The following ERBB4 variants were observed in gnomAD, a reference collection of about 807,000 sequenced individuals.
The protein encoded by ERBB4 is erb-b2 receptor tyrosine kinase 4, also known as receptor tyrosine-protein kinase erbB-4.
In ERBB4, 42 loss-of-function variants were observed where a neutral mutation model predicts 158.0. That is an observed-to-expected ratio of 0.27 (90% CI 0.21 to 0.34). The LOEUF (loss-of-function observed/expected upper bound fraction) is 0.34. Among genes scored for constraint, ERBB4 ranks in the 10% least tolerant of loss-of-function variants. ERBB4 has a pLI of 1.00. For missense variants in ERBB4, 1,333 were observed against 1,624.1 expected (o/e 0.82, Z 3.08); for synonymous variants, 583 against 558.7 (o/e 1.04, Z -0.61).
intron 1 of ERBB4, among the ~76,000 whole-genome samples, chr2:212,437,714 T>C (rs1158410195): frequency 6.6e-6 from 1 of 152,252 alleles, no homozygotes; most frequent in East Asian, 1.9e-4. Flanking sequence ...GTAGTGACTT[T>C]CTGCCTTGCT....
At chr2:212,116,152 G>A (rs539399881) in intron 2 of ERBB4, among the ~76,000 whole-genome samples, 73 of 151,444 alleles carry the variant, frequency 4.8e-4, no homozygotes, top group African/African-American at 1.5e-3. Context: ...CCTGGAAAGC[G>A]GTTGCTAATT....
chr2:212,066,298 A>G (rs2077945877), intron 2 of ERBB4, among the ~76,000 whole-genome samples: 1 of 152,026 alleles, frequency 6.6e-6, no homozygotes, highest in Non-Finnish European at 1.5e-5. Context: ...TTAACAAACC[A>G]TAACCTCAAA....
At chr2:211,523,480 T>C (rs1274667272) in intron 20 of ERBB4, among the ~76,000 whole-genome samples, 3 of 151,336 alleles carry the variant, frequency 2.0e-5, no homozygotes, top group East Asian at 4.0e-4. Context: ...GCTCTTAAGG[T>C]GGCACGTCTG....
At chr2:211,944,324 C>A (rs946666935) in intron 3 of ERBB4, among the ~76,000 whole-genome samples, 1 of 149,732 alleles carries the variant, frequency 6.7e-6, no homozygotes, top group African/African-American at 2.5e-5. Context: ...TTTACCCTGT[C>A]GAAAGTACTT....
chr2:211,671,636 T>TG (rs1425638254), intron 14 of ERBB4, among the ~76,000 whole-genome samples: 1 of 152,170 alleles, frequency 6.6e-6, no homozygotes, highest in Non-Finnish European at 1.5e-5. Flanking sequence ...ATTCCCAGCC[T>TG]ATTCAGATGA....
chr2:212,034,384 T>C (rs1044027045), intron 2 of ERBB4, among the ~76,000 whole-genome samples: 3 of 152,008 alleles, frequency 2.0e-5, no homozygotes, highest in Admixed American at 6.6e-5. Context: ...TTAGCTGACA[T>C]TTTGTTAGTT....
chr2:211,515,912 A>ATATATATATATT (rs35696520), intron 20 of ERBB4, among the ~76,000 whole-genome samples: 6 of 78,976 alleles, frequency 7.6e-5, no homozygotes, highest in African/African-American at 3.4e-4. Context: ...ATATATATAT[A>ATATATATATATT]TTTTTTTTTT....
In ERBB4 at chr2:212,012,631, T is replaced by C. The variant is rs545031055; in HGVS notation, c.235-65015A>G. ...GGCTTCACCATCTTGGCCAGGCTGGTCCTGAACTCCTGACCCTGTGATCCA... is the reference window on the plus strand; with the variant it reads ...GGCTTCACCATCTTGGCCAGGCTGGCCCTGAACTCCTGACCCTGTGATCCA... On this transcript the variant is annotated intron_variant, in intron 2 of 27. Coordinates refer to ENST00000342788, the MANE Select transcript of ERBB4 (RefSeq NM_005235.3). Among the ~76,000 whole-genome samples, 6 of 152,244 alleles carry C rather than the reference T, an allele frequency of 3.9e-5. No homozygotes were observed. The East Asian group carries it at 1.2e-3, about 29-fold the overall frequency.
At chr2:211,773,821 C>T (rs990741437) in intron 4 of ERBB4, among the ~76,000 whole-genome samples, 1 of 150,544 alleles carries the variant, frequency 6.6e-6, no homozygotes, top group Non-Finnish European at 1.5e-5. Context: ...TGGATTACTC[C>T]GGTCTGAATT....
In ERBB4 at chr2:211,445,953, G is replaced by A. The variant is rs148455835; in HGVS notation, c.2488-14853C>T. Among the ~76,000 whole-genome samples the A allele has an allele frequency of 4.0e-3, 614 of 152,278 alleles. 5 individuals are homozygous for A. The highest frequency in any genetic ancestry group is 0.014 in the African/African-American group (578 of 41,582). On this transcript the variant is annotated intron_variant, in intron 20 of 27. Transcript: ENST00000342788. ...GAGATGGGATCAAATGTTCATGTAA[G>A]GAGGCAGGTTTGTAAAGGAAGAGAC...
At chr2:211,956,488 T>C (rs891301129) in intron 2 of ERBB4, among the ~76,000 whole-genome samples, 3 of 152,050 alleles carry the variant, frequency 2.0e-5, no homozygotes, top group African/African-American at 4.8e-5. Context: ...GGTTCTGTAG[T>C]CTCACAATCT....
intron 2 of ERBB4, among the ~76,000 whole-genome samples, chr2:212,019,164 T>C (rs2076591638): frequency 6.6e-6 from 1 of 152,140 alleles, no homozygotes. Context: ...TCTGAGAAAT[T>C]AGCAAAGCAG....
At chr2:211,886,653 G>C (rs2106167558) in intron 3 of ERBB4, among the ~76,000 whole-genome samples, 1 of 152,274 alleles carries the variant, frequency 6.6e-6, no homozygotes, top group South Asian at 2.1e-4. Context: ...CTTGGGGACG[G>C]CTATGCTGTA....
At chr2:212,373,322 G>C (rs1464080820) in intron 1 of ERBB4, among the ~76,000 whole-genome samples, 1 of 152,034 alleles carries the variant, frequency 6.6e-6, no homozygotes, top group Non-Finnish European at 1.5e-5. Flanking sequence ...ACTGATTTGT[G>C]AGGAAAGCAT....
At chr2:212,394,553 T>C (rs1002666690) in intron 1 of ERBB4, among the ~76,000 whole-genome samples, 1 of 152,054 alleles carries the variant, frequency 6.6e-6, no homozygotes, top group African/African-American at 2.4e-5. Context: ...CATAATTTAA[T>C]TTATAGACCA....
chr2:211,790,965 G>A (rs1448842731), intron 3 of ERBB4, among the ~76,000 whole-genome samples: 5 of 151,670 alleles, frequency 3.3e-5, no homozygotes, highest in Non-Finnish European at 7.4e-5. Context: ...AGAAAGTAAT[G>A]TTATAATGGC....
At chr2:211,629,882 A>G (rs1317136340) in intron 17 of ERBB4, among the ~76,000 whole-genome samples, 1 of 152,220 alleles carries the variant, frequency 6.6e-6, no homozygotes, top group Non-Finnish European at 1.5e-5. Flanking sequence ...CTTACACCTT[A>G]TACAAAAATT....
At chr2:211,670,440 T>C (rs190815422) in intron 14 of ERBB4, among the ~76,000 whole-genome samples, 4 of 152,344 alleles carry the variant, frequency 2.6e-5, no homozygotes, top group East Asian at 1.9e-4. Flanking sequence ...TGTATATTTT[T>C]ATAACCATCT....
chr2:212,058,845 C>A (rs186687534), intron 2 of ERBB4, among the ~76,000 whole-genome samples: 1 of 151,950 alleles, frequency 6.6e-6, no homozygotes, highest in Non-Finnish European at 1.5e-5. Flanking sequence ...TACTGAATGG[C>A]CAAAAACTGG....
Sources: gnomAD v4.1 joint callset for allele counts (sites outside exome capture counted in the v4.1 genomes callset) on GRCh38, gnomAD v4.1.1 for gene constraint, MANE v1.5 for transcripts, NCBI Gene and HGNC (gene_info 2026-07-23, HGNC 2026-07-21) for gene names.